FAM83C: variants seen among roughly 807,000 people sequenced by gnomAD.
FAM83C encodes the protein scaffolding CK1 anchoring protein C, also known as protein FAM83C.
FAM83C carries 23 observed loss-of-function variants against 27.1 expected under a neutral mutation model. The observed-to-expected ratio is 0.85, with a 90% CI of 0.61 to 1.20. The LOEUF (loss-of-function observed/expected upper bound fraction) is 1.20. FAM83C is among the 50% of genes most tolerant of loss of function. The pLI is 0.00. For synonymous variants in FAM83C, 426 were observed against 423.1 expected (o/e 1.01, Z -0.09); for missense variants, 984 against 1,001.3 (o/e 0.98, Z 0.23).
intron 1 of FAM83C, among the ~76,000 whole-genome samples, chr20:35,289,450 C>T (rs2060840159): frequency 6.6e-6 from 1 of 151,616 alleles, no homozygotes. Flanking sequence ...AAGCGATTCT[C>T]GTGTCTCAGC....
rs984426914 is a variant in FAM83C, at chr20:35,288,644, C to G, written c.682-59G>C. The G allele has an allele frequency of 3.1e-6, 5 of 1,598,458 alleles. No homozygotes were observed. The African/African-American group carries it at 5.4e-5, about 17-fold the overall frequency. ...GAGTGAGGCTCAAGCCATGTCTCTGCCCCATGGGGTCTCTAACCCCAGACA... is the reference window on the plus strand; with the variant it reads ...GAGTGAGGCTCAAGCCATGTCTCTGGCCCATGGGGTCTCTAACCCCAGACA... On this transcript the variant is annotated intron_variant, in intron 2 of 3. Coordinates refer to ENST00000374408, the MANE Select transcript of FAM83C (RefSeq NM_178468.6).
chr20:35,287,125 C>A lies in FAM83C; in HGVS notation c.1654G>T (p.Asp552Tyr), dbSNP rs748263316. 6.2e-7 allele frequency: 1 copy of A among 1,603,402 alleles called. No homozygotes were observed. Among genetic ancestry groups the A allele is most frequent in the East Asian group, 2.2e-5 (1 of 44,820 alleles). The change falls in exon 4 of 4, where the codon GAC (aspartate) becomes TAC (tyrosine). Residue 552 changes from aspartate (D) to tyrosine (Y), a missense_variant. Asp to Tyr is a radical substitution (Grantham distance 160, BLOSUM62 -3). Coordinates refer to ENST00000374408, the MANE Select transcript of FAM83C (RefSeq NM_178468.6). ...CGGGACAGGAGATCCAGCTGGCTGT[C>A]GGCCTGGCTTGGGGACAACCTCCTG... ...EDRRLSPSQA[D>Y]SQLDLLSRAL...
chr20:35,291,783 G>A lies in FAM83C; in HGVS notation c.513+9C>T, dbSNP rs2060847432. The A allele has an allele frequency of 6.2e-7, 1 of 1,613,832 alleles. No individual in the cohort carries two copies. Among genetic ancestry groups the A allele is most frequent in the Non-Finnish European group, 8.5e-7 (1 of 1,180,014 alleles). On this transcript the variant is annotated intron_variant, in intron 1 of 3. Coordinates refer to ENST00000374408, the MANE Select transcript of FAM83C (RefSeq NM_178468.6). ...TGTGAGATGAGTGATGGAGAGATGA[G>A]GCCCTTACCGTGTGGGCCTGGCTGA...
intron 1 of FAM83C, among the ~76,000 whole-genome samples, chr20:35,289,381 C>T (rs1413532573): frequency 6.6e-6 from 1 of 151,834 alleles, no homozygotes; most frequent in Non-Finnish European, 1.5e-5. Flanking sequence ...CACTCTGTTG[C>T]CCAGGCTGGA....
rs1482014956 is a variant in FAM83C, at chr20:35,286,632, T to C, written c.2147A>G (p.Asp716Gly). The stretch of plus-strand genomic sequence containing the variant: ...GTGACCCAGGGTCAGCCGTTTCTCA[T>C]CCCTGACCAGGTCACTGTTACCACC... ...LNGGNSDLVR[D>G]EKRLTLGHSK... Residue 716 changes from aspartate to glycine, a missense_variant, in exon 4 of 4, where the codon GAT becomes GGT. Asp to Gly is a moderately conservative substitution (Grantham distance 94, BLOSUM62 -1). Transcript: ENST00000374408. 2 of 1,613,990 alleles carry C rather than the reference T, an allele frequency of 1.2e-6. No individual in the cohort carries two copies. The highest frequency in any genetic ancestry group is 3.3e-5 in the Admixed American group (2 of 60,006).
rs1268010829 is a variant in FAM83C, at chr20:35,291,932, G to T, written c.373C>A (p.Pro125Thr). 3 of 1,610,806 alleles carry T rather than the reference G, an allele frequency of 1.9e-6. No individual in the cohort carries two copies. Among genetic ancestry groups the T allele is most frequent in the East Asian group, 2.2e-5 (1 of 44,768 alleles). Residue 125 changes from proline (P) to threonine (T), a missense_variant, in exon 1 of 4, where the codon CCC becomes ACC. Physicochemically the swap from Pro to Thr is conservative, Grantham distance 38. Transcript: ENST00000374408. ...TYFPMASDID[P>T]PDLDLGWPEV... ...GGCCAGCCCAGGTCCAGGTCTGGGG[G>T]GTCTATGTCAGAGGCCATGGGGAAG...
At position 35,291,823 on chromosome 20, in the gene FAM83C, A is replaced by G. The variant is rs962401104; in HGVS notation, c.482T>C (p.Leu161Pro). Residue 161 changes from leucine (L) to proline (P), a missense_variant, in exon 1 of 4, where the codon CTG (leucine) becomes CCG (proline). Leu to Pro is a moderately conservative substitution (Grantham distance 98). Coordinates refer to ENST00000374408, the MANE Select transcript of FAM83C (RefSeq NM_178468.6). ...GGCCTGGCTGAAAAGGAAGCGCAGC[A>G]GGTCCTTGATGTTCTTGGCCTTGTC... ...QRDKAKNIKD[L>P]LRFLFSQAHT... 4 of 1,614,032 alleles carry G rather than the reference A, an allele frequency of 2.5e-6. No individual in the cohort carries two copies. In the African/African-American group the frequency reaches 5.3e-5, roughly 22 times the overall value.
intron 1 of FAM83C, among the ~76,000 whole-genome samples, chr20:35,291,163 G>A (rs1246126041): frequency 6.6e-6 from 1 of 152,242 alleles, no homozygotes; most frequent in Non-Finnish European, 1.5e-5. Context: ...CCACGCCAAA[G>A]AGGCCCACAC....
rs1412102682 is a variant in FAM83C at position 35,288,463 on chromosome 20, G to A, written c.804C>T (p.Tyr268=). 1.2e-6 allele frequency: 2 copies of A among 1,613,998 alleles called. No homozygotes were observed. Among genetic ancestry groups the A allele is most frequent in the Non-Finnish European group, 1.7e-6 (2 of 1,179,974 alleles). Residue 268 remains tyrosine, a splice_region_variant and synonymous_variant, in exon 3 of 4, where the codon TAC becomes TAT. Transcript: ENST00000374408. ...IDCEQVVAGS[Y]SFTWLCSQAH... ...CTTGCCTCCTCGTGCCTGCTCACCTGTAACTGCCCGCCACCACTTGCTCAC... is the reference window on the plus strand; with the variant it reads ...CTTGCCTCCTCGTGCCTGCTCACCTATAACTGCCCGCCACCACTTGCTCAC...
In FAM83C at chr20:35,286,724, C is replaced by G. The variant is rs2060827245; in HGVS notation, c.2055G>C (p.Lys685Asn). Residue 685 changes from lysine (K) to asparagine (N), a missense_variant, in exon 4 of 4, where the codon AAG (lysine) becomes AAC (asparagine). Physicochemically the swap from Lys to Asn is moderately conservative, Grantham distance 94 (BLOSUM62 0). Transcript: ENST00000374408. ...GCCTGGCCCCGTGCAACTGATGATA[C>G]TTGGTGATGAGGTCCAGCTTGCTGT... ...LGHSKLDLIT[K>N]YHQLHGARQG... is the part of the protein sequence containing the mutation. 2 of 1,614,164 alleles carry G rather than the reference C, an allele frequency of 1.2e-6. No homozygotes were observed. The highest frequency in any genetic ancestry group is 1.7e-6 in the Non-Finnish European group (2 of 1,180,022).
At position 35,292,081 on chromosome 20, in the gene FAM83C, G is replaced by A. The variant is rs377376837; in HGVS notation, c.224C>T (p.Ala75Val). The stretch of plus-strand genomic sequence containing the variant: ...GCTGGTCATGTAGTCCACATCCAGG[G>A]CGCTCAGGAAGGGCAGCTCCCGCTC... ...SEERELPFLS[A>V]LDVDYMTSHV... Residue 75 changes from alanine to valine, a missense_variant, in exon 1 of 4, where the codon GCC becomes GTC. Transcript: ENST00000374408. 112 of 1,609,640 alleles carry A rather than the reference G, an allele frequency of 7.0e-5. No homozygotes were observed. Among genetic ancestry groups the A allele is most frequent in the Middle Eastern group, 1.6e-4 (1 of 6,080 alleles).
chr20:35,287,274 C>T lies in FAM83C; in HGVS notation c.1505G>A (p.Ser502Asn). Residue 502 changes from serine (S) to asparagine (N), a missense_variant, in exon 4 of 4, where the codon AGT becomes AAT. Coordinates refer to ENST00000374408, the MANE Select transcript of FAM83C (RefSeq NM_178468.6). ...VEEKEKKASP[S>N]QSRGQLDLLV... ...GAGATCCAGCTGGCCACGGCTCTGA[C>T]TTGGAGATGCCTTCTTCTCCTTCTC... 6.2e-7 allele frequency: 1 copy of T among 1,613,344 alleles called. No individual in the cohort carries two copies. Among genetic ancestry groups the T allele is most frequent in the Non-Finnish European group, 8.5e-7 (1 of 1,180,036 alleles).
chr20:35,292,332 G>C lies in FAM83C; in HGVS notation c.-28C>G, dbSNP rs544717129. ...CTGCCACGCGGCTGCCTCACCCGCC[G>C]GCAGGGCCCATGGCCCGCACGCTGG... On this transcript the variant is annotated 5_prime_UTR_variant, in exon 1 of 4. Transcript: ENST00000374408. The C allele has an allele frequency of 6.8e-7, 1 of 1,461,304 alleles. No individual in the cohort carries two copies. The highest frequency in any genetic ancestry group is 9.0e-7 in the Non-Finnish European group (1 of 1,113,830). The allele number at this position is 1,461,304 out of a possible 1,614,324, so 90.5% of individuals were successfully genotyped here. A position where few individuals can be genotyped will look rare whatever the true frequency, so the allele number is the denominator to read the frequency against.
At position 35,287,177 on chromosome 20, in the gene FAM83C, A is replaced by C; in HGVS notation, c.1602T>G (p.Leu534=). The change falls in exon 4 of 4, where the codon CTT becomes CTG. Residue 534 remains leucine (L), a synonymous_variant. Transcript: ENST00000374408. ...DSGVTPNSGP[L]RPGEQAPEDR... ...CCTCTGGGGCCTGCTCGCCAGGCCGAAGGGGGCCTGAGTTGGGGGTAACCC... is the reference window on the plus strand; with the variant it reads ...CCTCTGGGGCCTGCTCGCCAGGCCGCAGGGGGCCTGAGTTGGGGGTAACCC... 1 of 1,608,548 alleles carries C rather than the reference A, an allele frequency of 6.2e-7. No homozygotes were observed. The highest frequency in any genetic ancestry group is 8.5e-7 in the Non-Finnish European group (1 of 1,179,656).
At position 35,287,550 on chromosome 20, in the gene FAM83C, T is replaced by C; in HGVS notation, c.1229A>G (p.Tyr410Cys). The change falls in exon 4 of 4, where the codon TAT becomes TGT. Residue 410 changes from tyrosine (Y) to cysteine (C), a missense_variant. Coordinates refer to ENST00000374408, the MANE Select transcript of FAM83C (RefSeq NM_178468.6). ...DPNHGSPPGLYRANLGKLGAY... is the reference protein window; with the variant it reads ...DPNHGSPPGLCRANLGKLGAY... ...CCCTAGCTTGCCGAGATTGGCCCTATAGAGCCCAGGAGGGGAGCCGTGGTT... is the reference window on the plus strand; with the variant it reads ...CCCTAGCTTGCCGAGATTGGCCCTACAGAGCCCAGGAGGGGAGCCGTGGTT... 6.2e-7 allele frequency: 1 copy of C among 1,614,112 alleles called. No individual in the cohort carries two copies. The highest frequency in any genetic ancestry group is 1.3e-5 in the African/African-American group (1 of 75,030).
chr20:35,290,010 T>A (rs1311483658), intron 1 of FAM83C, among the ~76,000 whole-genome samples: 2 of 152,122 alleles, frequency 1.3e-5, no homozygotes, highest in African/African-American at 4.8e-5. Context: ...CCAGGGACTG[T>A]CTGTCTGAGG....
rs1054518773 is a variant in FAM83C, at chr20:35,292,070, C to T, written c.235G>A (p.Asp79Asn). 8 of 1,610,920 alleles carry T rather than the reference C, an allele frequency of 5.0e-6. No individual in the cohort carries two copies. In the African/African-American group the frequency reaches 8.0e-5, roughly 16 times the overall value. The change falls in exon 1 of 4, where the codon GAC becomes AAC. Residue 79 changes from aspartate to asparagine, a missense_variant. Transcript: ENST00000374408. ...ELPFLSALDV[D>N]YMTSHVRGGP... ...CCGCGCACATGGCTGGTCATGTAGT[C>T]CACATCCAGGGCGCTCAGGAAGGGC...
At position 35,288,565 on chromosome 20, in the gene FAM83C, C is replaced by T. The variant is rs377564192; in HGVS notation, c.702G>A (p.Thr234=). 1.7e-5 allele frequency: 28 copies of T among 1,614,076 alleles called. No individual in the cohort carries two copies. The highest frequency in any genetic ancestry group is 1.6e-4 in the Middle Eastern group (1 of 6,084). ...EHLPNMRVRS[T]CGDTYCSKAG... ...CCTTGCTGCAGTATGTGTCCCCACA[C>T]GTGCTCCGCACACGCATGTTCTAGG... is the stretch of plus-strand genomic sequence containing the variant. The change falls in exon 3 of 4, where the codon ACG becomes ACA. Residue 234 remains threonine, a synonymous_variant. Transcript: ENST00000374408.
chr20:35,287,343 AG>A lies in FAM83C; in HGVS notation c.1435del (p.Leu479CysfsTer109). The A allele has an allele frequency of 6.2e-7, 1 of 1,613,788 alleles. No individual in the cohort carries two copies. Among genetic ancestry groups the A allele is most frequent in the Non-Finnish European group, 8.5e-7 (1 of 1,179,954 alleles). On this transcript the variant is annotated frameshift_variant, in exon 4 of 4. Transcript: ENST00000374408. LOFTEE classifies it low-confidence loss of function (END_TRUNC). ...TGTGCCAGGTACCCATCGACCCCGC[AG>A]GGGGCTGGGCTCTTGGCTTCCTGGG... ...GLPGSQEPSP[L>X]RGRWVPGTTL...
Sources: gnomAD v4.1 joint callset for allele counts (sites outside exome capture counted in the v4.1 genomes callset) on GRCh38, gnomAD v4.1.1 for gene constraint, MANE v1.5 for transcripts, NCBI Gene and HGNC (gene_info 2026-07-23, HGNC 2026-07-21) for gene names.